Variants in GSPT1 observed in about 807,000 individuals in gnomAD.
GSPT1 encodes G1 to S phase transition 1, also known as eukaryotic peptide chain release factor GTP-binding subunit ERF3A.
A neutral mutation model predicts 72.5 loss-of-function variants in GSPT1; 20 were observed. The observed-to-expected ratio is 0.28, with a 90% CI of 0.19 to 0.40. The LOEUF is 0.40. Ranked by LOEUF, GSPT1 falls within the 10% of genes least tolerant of loss-of-function variation. The pLI is 1.00. For synonymous variants in GSPT1, 334 were observed against 293.5 expected (o/e 1.14, Z -1.41); for missense variants, 580 against 811.9 (o/e 0.71, Z 3.47).
At chr16:11,905,295 C>T (rs1339209681) in intron 1 of GSPT1, among the ~76,000 whole-genome samples, 2 of 152,142 alleles carry the variant, frequency 1.3e-5, no homozygotes, top group Non-Finnish European at 1.5e-5. Flanking sequence ...GGTTATTAAG[C>T]GCTGGAAACA....
rs1274210487 is a variant in GSPT1 at position 11,915,623 on chromosome 16, T to C, written c.98A>G (p.Gln33Arg). ...CGGCCCGGGGGCTTCCATGTCCGCC[T>C]GGTCCCAGCAGTCAGGCGCCGAGTC... is the stretch of plus-strand genomic sequence containing the variant. ...SSDSAPDCWDQADMEAPGPGP... is the reference protein window; with the variant it reads ...SSDSAPDCWDRADMEAPGPGP... The change falls in exon 1 of 15, where the codon CAG becomes CGG. Residue 33 changes from glutamine to arginine, a missense_variant. Physicochemically the swap from Gln to Arg is conservative, Grantham distance 43 (BLOSUM62 1). This residue lies in a region of GSPT1 where 327 missense variants were observed against 298.8 expected (regional missense o/e 1.09). Transcript: ENST00000434724. 9.4e-6 allele frequency: 14 copies of C among 1,492,676 alleles called. No individual in the cohort carries two copies. Among genetic ancestry groups the C allele is most frequent in the Non-Finnish European group, 1.2e-5 (14 of 1,126,144 alleles). 92.5% of individuals were successfully genotyped at this position (1,492,676 alleles called of 1,614,324 possible). A position where few individuals can be genotyped will look rare whatever the true frequency, so the allele number is the denominator to read the frequency against.
chr16:11,870,260 A>G lies in GSPT1; in HGVS notation c.*2859T>C, dbSNP rs1006945448. ...TACTTCTGCAAATTAAAAACAAGAA[A>G]TGAGTGCTGTATTTCCCCCTCTCCC... On this transcript the variant is annotated 3_prime_UTR_variant, in exon 15 of 15. Coordinates refer to ENST00000434724, the MANE Select transcript of GSPT1 (RefSeq NM_002094.4). The G allele has an allele frequency of 6.6e-6, 1 of 152,226 alleles. No individual in the cohort carries two copies. Among genetic ancestry groups the G allele is most frequent in the African/African-American group, 2.4e-5 (1 of 41,464 alleles). The allele number at this position is 152,226 out of a possible 1,614,324, so 9.4% of individuals were successfully genotyped here.
chr16:11,915,899 C>A lies in GSPT1; in HGVS notation c.-179G>T, dbSNP rs771919674. 5.5e-6 allele frequency: 5 copies of A among 901,820 alleles called. 1 individual carries two copies. The highest frequency in any genetic ancestry group is 4.3e-4 in the Middle Eastern group (2 of 4,622). 55.9% of individuals were successfully genotyped at this position (901,820 alleles called of 1,614,324 possible). A position where few individuals can be genotyped will look rare whatever the true frequency, so the allele number is the denominator to read the frequency against. ...AGCTCCAGTCCCGACTCCACACTCG[C>A]GACGACGACAGAGGCGGCGGCGGCG... On this transcript the variant is annotated 5_prime_UTR_variant, in exon 1 of 15. Transcript: ENST00000434724.
At chr16:11,874,919 C>T (rs554397609) in intron 14 of GSPT1, among the ~76,000 whole-genome samples, 176 of 152,260 alleles carry the variant, frequency 1.2e-3, no homozygotes, top group Middle Eastern at 3.4e-3. Context: ...GGGCCGGGCA[C>T]GGTGGCTCAC....
Position 11,889,930 on chromosome 16 carries a change from C to T in GSPT1, c.776+1132G>A, listed in dbSNP as rs189717204. Among the ~76,000 whole-genome samples, 10 of 148,152 alleles carry T rather than the reference C, an allele frequency of 6.7e-5. No homozygotes were observed. The East Asian group carries it at 1.6e-3, about 24-fold the overall frequency. ...TGCTGAGATTACAGGCTTGAGTCAC[C>T]GCGCCTGGCCCAATAAAAGTTGTTT... On this transcript the variant is annotated intron_variant, in intron 6 of 14. Transcript: ENST00000434724.
At chr16:11,878,520 G>A (rs2054076160) in intron 11 of GSPT1, among the ~76,000 whole-genome samples, 1 of 151,528 alleles carries the variant, frequency 6.6e-6, no homozygotes, top group South Asian at 2.1e-4. Flanking sequence ...TTGAGCCCAG[G>A]TGTTTTAAGG....
At chr16:11,885,424 ATT>A in intron 9 of GSPT1, 150 bp from the exon 10 acceptor site, 1 of 585,176 alleles carries the variant, frequency 1.7e-6, no homozygotes, top group Non-Finnish European at 3.1e-6. Context: ...CATCTCACTT[ATT>A]CCACAGAAAA....
intron 1 of GSPT1, among the ~76,000 whole-genome samples, chr16:11,912,366 A>C (rs1370796195): frequency 6.6e-6 from 1 of 152,052 alleles, no homozygotes; most frequent in Non-Finnish European, 1.5e-5. Context: ...AAAAAAACAA[A>C]AAAAAAACCT....
At chr16:11,884,246 G>C (rs1161972587) in intron 10 of GSPT1, among the ~76,000 whole-genome samples, 1 of 152,154 alleles carries the variant, frequency 6.6e-6, no homozygotes, top group African/African-American at 2.4e-5. Flanking sequence ...GGTGACAGAA[G>C]TTAGCACAGT....
chr16:11,879,550 C>T (rs181467307), intron 11 of GSPT1, among the ~76,000 whole-genome samples: 74 of 151,934 alleles, frequency 4.9e-4, no homozygotes, highest in East Asian at 4.3e-3. Context: ...CTGGCCAACA[C>T]GGTGAAATCC....
upstream of GSPT1, chr16:11,915,974 A>C: frequency 2.8e-6 from 2 of 703,994 alleles, no homozygotes; most frequent in Non-Finnish European, 5.3e-6. Context: ...CTCCCACCCA[A>C]CCACCTCCGA....
upstream of GSPT1, chr16:11,916,104 G>A (rs1038659339): frequency 1.7e-5 from 8 of 469,962 alleles, no homozygotes; most frequent in Non-Finnish European, 3.3e-5. Flanking sequence ...GCGGCGGGAG[G>A]TGGAACTACA....
intron 9 of GSPT1, among the ~76,000 whole-genome samples, 165 bp downstream of exon 9, chr16:11,886,306 T>C (rs1167109698): frequency 6.6e-6 from 1 of 152,194 alleles, no homozygotes; most frequent in Non-Finnish European, 1.5e-5. Context: ...GGCAAAGATC[T>C]TAGTATTTTT....
intron 5 of GSPT1, among the ~76,000 whole-genome samples, chr16:11,893,914 G>A (rs886616829): frequency 6.6e-6 from 1 of 151,992 alleles, no homozygotes; most frequent in Admixed American, 6.5e-5. Context: ...CACTTTGGGA[G>A]GCAGTAGAGG....
chr16:11,913,327 G>A (rs2054584152), intron 1 of GSPT1, among the ~76,000 whole-genome samples: 1 of 152,166 alleles, frequency 6.6e-6, no homozygotes, highest in Admixed American at 6.5e-5. Flanking sequence ...TTTGGTACAA[G>A]CAATTGGTAA....
chr16:11,914,318 T>C (rs1406960389), intron 1 of GSPT1, among the ~76,000 whole-genome samples: 1 of 152,146 alleles, frequency 6.6e-6, no homozygotes, highest in Non-Finnish European at 1.5e-5. Flanking sequence ...ATAAGCACCA[T>C]TATGAGAATA....
chr16:11,899,209 G>A (rs892733802), intron 1 of GSPT1, among the ~76,000 whole-genome samples: 12 of 152,124 alleles, frequency 7.9e-5, no homozygotes, highest in Non-Finnish European at 1.8e-4. Flanking sequence ...ATCATTGCCC[G>A]GAAAGGATCA....
chr16:11,869,281 T>C lies in GSPT1; in HGVS notation c.*3838A>G, dbSNP rs1034962662. The C allele has an allele frequency of 3.9e-5, 6 of 152,244 alleles. No homozygotes were observed. The highest frequency in any genetic ancestry group is 5.9e-5 in the Non-Finnish European group (4 of 68,042). 9.4% of individuals were successfully genotyped at this position (152,244 alleles called of 1,614,324 possible). ...AAGCTAGTTAAGTCTTTTGTGCATGTGCAATTACACTTACTTAACAAGATG... is the reference window on the plus strand; with the variant it reads ...AAGCTAGTTAAGTCTTTTGTGCATGCGCAATTACACTTACTTAACAAGATG... On this transcript the variant is annotated 3_prime_UTR_variant, in exon 15 of 15. Transcript: ENST00000434724.
chr16:11,903,993 T>C (rs2054451886), intron 1 of GSPT1: 1 of 217,812 alleles, frequency 4.6e-6, no homozygotes, highest in South Asian at 8.2e-5. Context: ...GAAATCTGCA[T>C]ATGCCTTCTT....
Sources: allele counts gnomAD v4.1 joint callset (sites outside exome capture counted in the v4.1 genomes callset), GRCh38; gene constraint gnomAD v4.1.1; regional missense constraint gnomAD v4.1.1; transcripts MANE v1.5; gene names NCBI Gene and HGNC (gene_info 2026-07-23, HGNC 2026-07-21).